ABCF1: variants seen among roughly 807,000 people sequenced by gnomAD.
ABCF1 encodes the protein ATP binding cassette subfamily F member 1.
ABCF1 carries 73 observed loss-of-function variants against 126.3 expected under a neutral mutation model. The ratio of observed to expected loss-of-function variants is 0.58; its 90% confidence interval spans 0.48 to 0.70. The LOEUF (loss-of-function observed/expected upper bound fraction) is 0.70. Among genes scored for constraint, ABCF1 ranks in the 30% least tolerant of loss-of-function variants. The pLI is 0.00. For missense variants in ABCF1, 786 were observed against 1,057.5 expected (o/e 0.74, Z 3.56); for synonymous variants, 345 against 396.4 (o/e 0.87, Z 1.54).
At chr6:30,576,274 C>CTTTTTT (rs1235123074) in intron 1 of ABCF1, among the ~76,000 whole-genome samples, 1 of 67,102 alleles carries the variant, frequency 1.5e-5, no homozygotes, top group Non-Finnish European at 2.8e-5. Flanking sequence ...TCTCTGAGTG[C>CTTTTTT]TCTTTTTTTT....
Position 30,584,692 on chromosome 6 carries a change from T to G in ABCF1, c.1391+126T>G. On this transcript the variant is annotated intron_variant, in intron 14 of 24. Coordinates refer to ENST00000326195, the MANE Select transcript of ABCF1 (RefSeq NM_001025091.2). The surrounding 1 kb of genome is among the most constrained non-coding windows in gnomAD (Gnocchi z 4.6). The stretch of plus-strand genomic sequence containing the variant: ...GGCTTACCTCTCCCTCCTTACTATC[T>G]GTGTTGTGAGAACTTAGGGTCTTTC... 1 of 1,299,218 alleles carries G rather than the reference T, an allele frequency of 7.7e-7. No homozygotes were observed. Among genetic ancestry groups the G allele is most frequent in the Non-Finnish European group, 1.0e-6 (1 of 960,636 alleles). 80.5% of individuals were successfully genotyped at this position (1,299,218 alleles called of 1,614,324 possible).
At chr6:30,585,759 T>G in intron 16 of ABCF1, 77 bp downstream of exon 16, 1 of 1,587,450 alleles carries the variant, frequency 6.3e-7, no homozygotes, top group South Asian at 1.1e-5. Flanking sequence ...CCTATTTAGA[T>G]AAACTGAATC....
At chr6:30,582,573 G>A (rs1484146908) in intron 9 of ABCF1, 66 bp downstream of exon 9, 15 of 1,532,266 alleles carry the variant, frequency 9.8e-6, no homozygotes, top group East Asian at 2.3e-5. Context: ...GGGGACATGC[G>A]ATTGGGGACA....
intron 20 of ABCF1, chr6:30,589,341 C>T: frequency 2.9e-6 from 1 of 342,840 alleles, no homozygotes; most frequent in East Asian, 6.9e-5. Context: ...GTCCCTGGCC[C>T]ATTTCTGGTG....
At chr6:30,581,845 C>A (rs1301653085) in intron 8 of ABCF1, among the ~76,000 whole-genome samples, 2 of 152,144 alleles carry the variant, frequency 1.3e-5, no homozygotes, top group Non-Finnish European at 2.9e-5. Flanking sequence ...CGCGTTGTCA[C>A]ATTTCATAAA....
At chr6:30,585,759 TA>T in intron 16 of ABCF1, 77 bp downstream of exon 16, 1 of 1,587,450 alleles carries the variant, frequency 6.3e-7, no homozygotes, top group Non-Finnish European at 8.6e-7. Context: ...CCTATTTAGA[TA>T]AACTGAATCC....
At chr6:30,589,619 A>AG (rs1554123955) in intron 20 of ABCF1, 69 bp from the exon 21 acceptor site, 5 of 1,471,800 alleles carry the variant, frequency 3.4e-6, no homozygotes, top group Non-Finnish European at 4.7e-6. Context: ...AAAAAAAAAA[A>AG]GTTGATGTAT....
In ABCF1 at chr6:30,580,012, G is replaced by A. The variant is rs754622877; in HGVS notation, c.564+7G>A. The A allele has an allele frequency of 1.9e-5, 31 of 1,612,192 alleles. No homozygotes were observed. The South Asian group carries it at 3.4e-4, about 18-fold the overall frequency. On this transcript the variant is annotated splice_region_variant and intron_variant, in intron 7 of 24. Transcript: ENST00000326195. Reference sequence around the variant, plus strand: ...GTCAAAAGGGAAGGCTAAGGTGAGAGAGTAACTAGCAGGAGGAGGTATTGG... The same window carrying A: ...GTCAAAAGGGAAGGCTAAGGTGAGAAAGTAACTAGCAGGAGGAGGTATTGG...
At chr6:30,572,613 C>T (rs1490833459) in intron 1 of ABCF1, among the ~76,000 whole-genome samples, 1 of 152,146 alleles carries the variant, frequency 6.6e-6, no homozygotes, top group African/African-American at 2.4e-5. Flanking sequence ...AAAGGATCTT[C>T]CTGCCTCAGT....
intron 20 of ABCF1, among the ~76,000 whole-genome samples, chr6:30,587,206 C>A (rs1390461967): frequency 6.6e-6 from 1 of 150,536 alleles, no homozygotes; most frequent in East Asian, 1.9e-4. Context: ...GCTGAGATTG[C>A]ACCATTGCAC....
At chr6:30,581,398 C>CTTTTTT (rs71552010) in intron 8 of ABCF1, among the ~76,000 whole-genome samples, 77 of 84,828 alleles carry the variant, frequency 9.1e-4, no homozygotes, top group East Asian at 1.1e-3. Flanking sequence ...GCTTCCTGAT[C>CTTTTTT]TTTTTTTTTT....
chr6:30,573,726 A>G (rs1042898257), intron 1 of ABCF1, among the ~76,000 whole-genome samples: 2 of 152,250 alleles, frequency 1.3e-5, no homozygotes, highest in Non-Finnish European at 2.9e-5. Flanking sequence ...CAGAGAAGTC[A>G]GGCAAAATAA....
Position 30,578,595 on chromosome 6 carries a change from A to G in ABCF1, c.489+18A>G, listed in dbSNP as rs1320323305. 1.2e-6 allele frequency: 2 copies of G among 1,605,122 alleles called. No individual in the cohort carries two copies. Among genetic ancestry groups the G allele is most frequent in the African/African-American group, 2.7e-5 (2 of 74,768 alleles). ...TCAATAAGGTGACAGTGGTGGCTCG[A>G]TCAGTCACTCTCACTCCATTTAGCA... is the stretch of plus-strand genomic sequence containing the variant. On this transcript the variant is annotated intron_variant, in intron 6 of 24. Coordinates refer to ENST00000326195, the MANE Select transcript of ABCF1 (RefSeq NM_001025091.2).
intron 8 of ABCF1, among the ~76,000 whole-genome samples, chr6:30,581,496 C>G (rs1172875756): frequency 6.6e-6 from 1 of 151,236 alleles, no homozygotes; most frequent in African/African-American, 2.4e-5. Flanking sequence ...CTCTGCCTCC[C>G]GGGTTCAAGC....
chr6:30,576,624 A>G (rs3132610), intron 1 of ABCF1, among the ~76,000 whole-genome samples: 10,958 of 151,670 alleles, frequency 0.072, 593 homozygotes, highest in Non-Finnish European at 0.12. Context: ...GCCCCATCCT[A>G]TGAATTCTTC....
In ABCF1 at chr6:30,585,619, G is replaced by A; in HGVS notation, c.1537G>A (p.Asp513Asn). The change falls in exon 16 of 25, where the codon GAT becomes AAT. Residue 513 changes from aspartate (D) to asparagine (N), a missense_variant. Coordinates refer to ENST00000326195, the MANE Select transcript of ABCF1 (RefSeq NM_001025091.2). ...IVSHDQGFLD[D>N]VCTDIIHLDA... ...CTCCCATGACCAGGGCTTCTTGGAT[G>A]ATGTCTGCACTGATATCATCCACCT... 1 of 1,613,034 alleles carries A rather than the reference G, an allele frequency of 6.2e-7. No individual in the cohort carries two copies. Among genetic ancestry groups the A allele is most frequent in the Non-Finnish European group, 8.5e-7 (1 of 1,180,030 alleles).
In ABCF1 at chr6:30,583,207, C is replaced by G. The variant is rs759717969; in HGVS notation, c.915+19C>G. 1 of 1,590,714 alleles carries G rather than the reference C, an allele frequency of 6.3e-7. No individual in the cohort carries two copies. The highest frequency in any genetic ancestry group is 8.6e-7 in the Non-Finnish European group (1 of 1,163,142). On this transcript the variant is annotated intron_variant, in intron 10 of 24. Transcript: ENST00000326195. The surrounding 1 kb of genome is among the most constrained non-coding windows in gnomAD (Gnocchi z 4.1). ...CATCAAGGTAAGGTCTCAAGGGGCC[C>G]CTTCCAGTCCACTTACCTAGGGAAG...
Position 30,590,745 on chromosome 6 carries a change from C to G in ABCF1, c.*44C>G. 9.0e-6 allele frequency: 14 copies of G among 1,557,672 alleles called. No homozygotes were observed. The highest frequency in any genetic ancestry group is 1.2e-5 in the Non-Finnish European group (14 of 1,152,646). ...CTCCCGAGAGACATATTTGTGTGGC[C>G]TAGAAGTCCTCTGTGGTCTCCCCTC... On this transcript the variant is annotated 3_prime_UTR_variant, in exon 25 of 25. Coordinates refer to ENST00000326195, the MANE Select transcript of ABCF1 (RefSeq NM_001025091.2).
chr6:30,581,333 G>A (rs1031051776), intron 8 of ABCF1, among the ~76,000 whole-genome samples: 9 of 150,394 alleles, frequency 6.0e-5, no homozygotes, highest in Non-Finnish European at 1.2e-4. Flanking sequence ...GTCCCTATGC[G>A]TCTGGCACTT....
Sources: gnomAD v4.1 joint callset for allele counts (sites outside exome capture counted in the v4.1 genomes callset) on GRCh38, gnomAD v4.1.1 for gene constraint, Gnocchi (gnomAD v3.1) non-coding constraint, MANE v1.5 for transcripts, NCBI Gene and HGNC (gene_info 2026-07-23, HGNC 2026-07-21) for gene names.